The following SLC6A2 variants were observed in gnomAD, a reference collection of about 807,000 sequenced individuals.
SLC6A2 encodes solute carrier family 6 member 2.
SLC6A2 carries 26 observed loss-of-function variants against 71.7 expected under a neutral mutation model. That is an observed-to-expected ratio of 0.36 (90% CI 0.27 to 0.50). SLC6A2 has a LOEUF of 0.50. SLC6A2 is among the 20% of genes least tolerant of loss of function. The pLI, the probability that SLC6A2 is intolerant of heterozygous loss-of-function variation, is 0.96. For missense variants in SLC6A2, 581 were observed against 803.9 expected (o/e 0.72, Z 3.35); for synonymous variants, 363 against 337.9 (o/e 1.07, Z -0.82).
intron 13 of SLC6A2, among the ~76,000 whole-genome samples, 157 bp downstream of exon 13, chr16:55,700,463 A>G (rs1406650391): frequency 2.6e-5 from 4 of 152,150 alleles, no homozygotes; most frequent in African/African-American, 9.7e-5. Context: ...TTCCCCCATG[A>G]GCCTCAGTTT....
In SLC6A2 at chr16:55,703,012, T is replaced by A; in HGVS notation, c.*666T>A. 1.0e-6 allele frequency: 1 copy of A among 986,614 alleles called. No individual in the cohort carries two copies. Among genetic ancestry groups the A allele is most frequent in the Non-Finnish European group, 1.2e-6 (1 of 830,780 alleles). 61.1% of individuals were successfully genotyped at this position (986,614 alleles called of 1,614,324 possible). On this transcript the variant is annotated 3_prime_UTR_variant, in exon 15 of 15. Coordinates refer to ENST00000568943, the MANE Select transcript of SLC6A2 (RefSeq NM_001172501.3). ...TGATGTGTGTGTTCTGGAACATTCC[T>A]CCAGCTTTTGGTGGTCAGATGGCCC...
At chr16:55,677,198 C>T (rs1316992497) in intron 4 of SLC6A2, among the ~76,000 whole-genome samples, 5 of 152,146 alleles carry the variant, frequency 3.3e-5, no homozygotes, top group South Asian at 4.1e-4. Context: ...AGAAAATTCC[C>T]GAACCATCAG....
At chr16:55,682,120 C>T (rs1035697059) in intron 4 of SLC6A2, among the ~76,000 whole-genome samples, 15 of 152,136 alleles carry the variant, frequency 9.9e-5, no homozygotes, top group Admixed American at 2.6e-4. Flanking sequence ...TTGACCAGGC[C>T]GGTCTCGAAC....
chr16:55,671,798 C>T, intron 3 of SLC6A2, 140 bp from the exon 4 acceptor site: 1 of 1,483,974 alleles, frequency 6.7e-7, no homozygotes, highest in Non-Finnish European at 9.0e-7. Flanking sequence ...GTCACTGGTG[C>T]TGAAAAGGTT....
At chr16:55,701,630 G>A (rs8050050) in intron 13 of SLC6A2, among the ~76,000 whole-genome samples, 31,368 of 152,144 alleles carry the variant, frequency 0.21, 3,772 homozygotes, top group African/African-American at 0.34. Context: ...GATCCACAGG[G>A]CCTAGCCCCA....
In SLC6A2 at chr16:55,691,956, G is replaced by A. The variant is rs1193706339; in HGVS notation, c.822G>A (p.Leu274=). The A allele has an allele frequency of 6.2e-7, 1 of 1,614,178 alleles. No individual in the cohort carries two copies. Among genetic ancestry groups the A allele is most frequent in the South Asian group, 1.1e-5 (1 of 91,078 alleles). The change falls in exon 6 of 15, where the codon CTG becomes CTA. Residue 274 remains leucine (L), a synonymous_variant. Transcript: ENST00000568943. ...CAGCCACGCTGCCTTACTTCGTGCT[G>A]TTCGTGCTCCTGGTCCATGGCGTCA... ...WITATLPYFV[L]FVLLVHGVTL...
rs11568336 is a variant in SLC6A2 at position 55,695,320 on chromosome 16, C to A, written c.1065C>A (p.Phe355Leu). ...GCAGCATCAACTGTATCACCAGCTT[C>A]GTCTCTGGGTTCGCCATCTTCTCCA... ...LTSSINCITS[F>L]VSGFAIFSIL... The change falls in exon 8 of 15, where the codon TTC (phenylalanine) becomes TTA (leucine). Residue 355 changes from phenylalanine (F) to leucine (L), a missense_variant. Coordinates refer to ENST00000568943, the MANE Select transcript of SLC6A2 (RefSeq NM_001172501.3). 7 of 1,614,082 alleles carry A rather than the reference C, an allele frequency of 4.3e-6. No homozygotes were observed. The South Asian group carries it at 7.7e-5, about 18-fold the overall frequency.
At chr16:55,690,485 A>T (rs1453879022) in intron 5 of SLC6A2, among the ~76,000 whole-genome samples, 1 of 152,194 alleles carries the variant, frequency 6.6e-6, no homozygotes, top group Admixed American at 6.5e-5. Context: ...ATATGGGAAG[A>T]TTCCTGGGGC....
At chr16:55,700,405 G>A in intron 13 of SLC6A2, 99 bp downstream of exon 13, 4 of 1,076,226 alleles carry the variant, frequency 3.7e-6, no homozygotes, top group Admixed American at 2.4e-5. Context: ...GGGACAGAAG[G>A]ACACAGACAC....
Position 55,702,711 on chromosome 16 carries a change from CAGAG to C in SLC6A2, c.*370_*373del, listed in dbSNP as rs1354664393. The C allele has an allele frequency of 9.3e-7, 1 of 1,070,166 alleles. No individual in the cohort carries two copies. The highest frequency in any genetic ancestry group is 1.1e-6 in the Non-Finnish European group (1 of 889,070). 66.3% of individuals were successfully genotyped at this position (1,070,166 alleles called of 1,614,324 possible). The stretch of plus-strand genomic sequence containing the variant: ...CACAGGAGTTCTTAGTCCACCAAAT[CAGAG>C]AGAGGATGGGCTTTTGATCAGATAC... On this transcript the variant is annotated 3_prime_UTR_variant, in exon 15 of 15. Coordinates refer to ENST00000568943, the MANE Select transcript of SLC6A2 (RefSeq NM_001172501.3).
chr16:55,701,951 C>A lies in SLC6A2; in HGVS notation c.1830+17C>A, dbSNP rs1367369520. On this transcript the variant is annotated intron_variant, in intron 14 of 14. Transcript: ENST00000568943. ...CAGTTCCAGGTGGGTGAAGCCTAGA[C>A]CCCTGGGGTGGAGATTACAAGGGCG... 1.9e-6 allele frequency: 3 copies of A among 1,598,598 alleles called. No individual in the cohort carries two copies. The highest frequency in any genetic ancestry group is 8.6e-7 in the Non-Finnish European group (1 of 1,165,790).
chr16:55,701,902 C>T lies in SLC6A2; in HGVS notation c.1798C>T (p.Leu600=). 1.2e-6 allele frequency: 2 copies of T among 1,614,110 alleles called. No individual in the cohort carries two copies. Among genetic ancestry groups the T allele is most frequent in the Non-Finnish European group, 1.7e-6 (2 of 1,179,932 alleles). Reference sequence around the variant, plus strand: ...CATCACGCCAGAGAACGAGCACCACCTGGTGGCTCAGAGGGACATCAGACA... The same window carrying T: ...CATCACGCCAGAGAACGAGCACCACTTGGTGGCTCAGAGGGACATCAGACA... ...YGITPENEHH[L]VAQRDIRQFQ... is the part of the protein sequence containing the mutation. The change falls in exon 14 of 15, where the codon CTG becomes TTG. Residue 600 remains leucine, a synonymous_variant. Coordinates refer to ENST00000568943, the MANE Select transcript of SLC6A2 (RefSeq NM_001172501.3).
At position 55,702,691 on chromosome 16, in the gene SLC6A2, G is replaced by A. The variant is rs1966009475; in HGVS notation, c.*345G>A. ...ACATTTGCCTAGACTTTGGGCACAG[G>A]AGTTCTTAGTCCACCAAATCAGAGA... On this transcript the variant is annotated 3_prime_UTR_variant, in exon 15 of 15. Transcript: ENST00000568943. 8.5e-7 allele frequency: 1 copy of A among 1,181,630 alleles called. No individual in the cohort carries two copies. Among genetic ancestry groups the A allele is most frequent in the South Asian group, 2.4e-5 (1 of 42,102 alleles). 73.2% of individuals were successfully genotyped at this position (1,181,630 alleles called of 1,614,324 possible). A position where few individuals can be genotyped will look rare whatever the true frequency, so the allele number is the denominator to read the frequency against.
chr16:55,693,217 T>C (rs1965691394), intron 6 of SLC6A2, among the ~76,000 whole-genome samples: 1 of 152,120 alleles, frequency 6.6e-6, no homozygotes, highest in Admixed American at 6.5e-5. Flanking sequence ...GGAAACCCCG[T>C]CTCTACTAAA....
At chr16:55,678,336 C>T (rs1567441438) in intron 4 of SLC6A2, among the ~76,000 whole-genome samples, 1 of 152,018 alleles carries the variant, frequency 6.6e-6, no homozygotes, top group Non-Finnish European at 1.5e-5. Flanking sequence ...GCGTGATGCC[C>T]TTTTGTCTAA....
rs1353098239 is a variant in SLC6A2 at position 55,656,071 on chromosome 16, G to C, written c.-150G>C. ...CGGCCCCGCCCGAACGCCACACGGC[G>C]GAGCCCAGCCCCAGCCCGCGCCCTA... On this transcript the variant is annotated 5_prime_UTR_variant, in exon 1 of 15. Coordinates refer to ENST00000568943, the MANE Select transcript of SLC6A2 (RefSeq NM_001172501.3). The surrounding 1 kb of genome is among the most constrained non-coding windows in gnomAD (Gnocchi z 4.5). 2 of 152,556 alleles carry C rather than the reference G, an allele frequency of 1.3e-5. No individual in the cohort carries two copies. Among genetic ancestry groups the C allele is most frequent in the African/African-American group, 4.8e-5 (2 of 41,456 alleles). 9.5% of individuals were successfully genotyped at this position (152,556 alleles called of 1,614,324 possible). A position where few individuals can be genotyped will look rare whatever the true frequency, so the allele number is the denominator to read the frequency against.
At chr16:55,674,442 T>G (rs1433900855) in intron 4 of SLC6A2, among the ~76,000 whole-genome samples, 1 of 152,010 alleles carries the variant, frequency 6.6e-6, no homozygotes, top group Non-Finnish European at 1.5e-5. Context: ...TTTTTTTTTT[T>G]GAGACCGAGT....
chr16:55,684,193 G>T (rs546743829), intron 4 of SLC6A2, among the ~76,000 whole-genome samples: 1 of 151,826 alleles, frequency 6.6e-6, no homozygotes, highest in South Asian at 2.1e-4. Context: ...CCAGCTACTT[G>T]GGAGGCTGAG....
rs148242450 is a variant in SLC6A2 at position 55,703,874 on chromosome 16, G to A, written c.*1528G>A. The A allele has an allele frequency of 1.7e-5, 16 of 940,906 alleles. No individual in the cohort carries two copies. The East Asian group carries it at 1.9e-3, about 109-fold the overall frequency. The allele number at this position is 940,906 out of a possible 1,614,324, so 58.3% of individuals were successfully genotyped here. ...TTATGAGGGGACCAGGGTGGGGCAG[G>A]GAGATGGTTTTGTCTCCCAGGGTCC... On this transcript the variant is annotated 3_prime_UTR_variant, in exon 15 of 15. Transcript: ENST00000568943.
Sources: allele counts gnomAD v4.1 joint callset (sites outside exome capture counted in the v4.1 genomes callset), GRCh38; gene constraint gnomAD v4.1.1; non-coding constraint Gnocchi (gnomAD v3.1); transcripts MANE v1.5; gene names NCBI Gene and HGNC (gene_info 2026-07-23, HGNC 2026-07-21).